Variants in C6orf52 observed in about 807,000 individuals in gnomAD.
The protein encoded by C6orf52 is putative uncharacterized protein C6orf52.
In C6orf52, 16 loss-of-function variants were observed where a neutral mutation model predicts 16.6. The ratio of observed to expected loss-of-function variants is 0.96; its 90% confidence interval spans 0.65 to 1.46. C6orf52 has a LOEUF of 1.46. C6orf52 is among the 40% of genes most tolerant of loss of function. The probability of loss-of-function intolerance (pLI) is 0.00; values close to 1 mark genes in which losing one functional copy is unlikely to be tolerated. For missense variants in C6orf52, 166 were observed against 182.3 expected (o/e 0.91, Z 0.52); for synonymous variants, 53 against 61.4 (o/e 0.86, Z 0.64).
intron 4 of C6orf52, chr6:10,674,657 TAA>T (rs57967252): frequency 6.5e-5 from 9 of 138,992 alleles, no homozygotes; most frequent in African/African-American, 2.9e-4. Flanking sequence ...TTTTTTTTTT[TAA>T]AAGACTAGTC....
chr6:10,684,167 C>T (rs1254737885), intron 3 of C6orf52, among the ~76,000 whole-genome samples: 2 of 152,152 alleles, frequency 1.3e-5, no homozygotes, highest in African/African-American at 2.4e-5. Flanking sequence ...AGACCGCAGG[C>T]ATGGTGGCAT....
intron 1 of C6orf52, among the ~76,000 whole-genome samples, chr6:10,691,654 C>A (rs939398327): frequency 6.6e-6 from 1 of 151,954 alleles, no homozygotes; most frequent in Non-Finnish European, 1.5e-5. Flanking sequence ...GGTGGTCTCC[C>A]TCCCTTAAAA....
intron 4 of C6orf52, 63 bp downstream of exon 4, chr6:10,683,124 G>T: frequency 1.8e-6 from 2 of 1,113,710 alleles, no homozygotes; most frequent in Non-Finnish European, 2.6e-6. Context: ...AGCAAGCTGA[G>T]TGAATGAGAA....
chr6:10,693,444 G>A (rs1458468983), intron 1 of C6orf52, among the ~76,000 whole-genome samples: 2 of 152,170 alleles, frequency 1.3e-5, no homozygotes, highest in East Asian at 1.9e-4. Flanking sequence ...CATCCCAAAT[G>A]AAATCATTTC....
intron 4 of C6orf52, chr6:10,672,701 C>T: frequency 1.6e-6 from 1 of 613,596 alleles, no homozygotes; most frequent in Non-Finnish European, 2.9e-6. Flanking sequence ...TTCTCTCCTA[C>T]AATGCATGCA....
At chr6:10,676,941 G>A (rs1000252202) in intron 4 of C6orf52, among the ~76,000 whole-genome samples, 4 of 152,166 alleles carry the variant, frequency 2.6e-5, no homozygotes, top group African/African-American at 9.7e-5. Context: ...TGCATAGCGT[G>A]CAAATATTTT....
chr6:10,672,002 A>C (rs182274049), intron 4 of C6orf52, among the ~76,000 whole-genome samples: 1 of 152,344 alleles, frequency 6.6e-6, no homozygotes, highest in African/African-American at 2.4e-5. Flanking sequence ...GTAAAAATAC[A>C]CATGCTACTT....
intron 4 of C6orf52, among the ~76,000 whole-genome samples, chr6:10,673,752 T>C (rs1287452165): frequency 1.1e-4 from 17 of 152,122 alleles, no homozygotes. Flanking sequence ...GTTATGCATA[T>C]TTCACCACAA....
upstream of C6orf52, chr6:10,694,860 G>T: frequency 1.5e-6 from 1 of 679,126 alleles, no homozygotes; most frequent in Non-Finnish European, 2.5e-6. Flanking sequence ...CAGCCCTGGA[G>T]CCTGACGTAT....
rs41271799 is a variant in C6orf52 at position 10,694,527 on chromosome 6, C to G, written c.-45G>C. On this transcript the variant is annotated 5_prime_UTR_variant, in exon 1 of 5. Coordinates refer to ENST00000259983, the MANE Select transcript of C6orf52 (RefSeq NM_001145020.3). ...CGACAGAAAGCCTCGTTCCGCTGGT[C>G]CCTGAACAAAAACTCCTACCCTACT... is the stretch of plus-strand genomic sequence containing the variant. 1.1e-3 allele frequency: 166 copies of G among 156,648 alleles called. No homozygotes were observed. Among genetic ancestry groups the G allele is most frequent in the Non-Finnish European group, 2.1e-3 (148 of 69,712 alleles). 9.7% of individuals were successfully genotyped at this position (156,648 alleles called of 1,614,324 possible). A position where few individuals can be genotyped will look rare whatever the true frequency, so the allele number is the denominator to read the frequency against.
At chr6:10,693,281 A>G (rs755976574) in intron 1 of C6orf52, among the ~76,000 whole-genome samples, 2 of 152,214 alleles carry the variant, frequency 1.3e-5, no homozygotes, top group Non-Finnish European at 2.9e-5. Context: ...TGCTCTCACC[A>G]TCGTTCCATC....
chr6:10,693,251 G>A (rs1769514350), intron 1 of C6orf52, among the ~76,000 whole-genome samples: 1 of 152,200 alleles, frequency 6.6e-6, no homozygotes, highest in Non-Finnish European at 1.5e-5. Flanking sequence ...AAATATGTCT[G>A]CTTTTCCTTT....
intron 1 of C6orf52, among the ~76,000 whole-genome samples, chr6:10,688,035 T>G (rs1769003256): frequency 1.4e-5 from 2 of 147,356 alleles, no homozygotes; most frequent in African/African-American, 5.4e-5. Context: ...TGGCTTTTTC[T>G]TTTTTTAATT....
intron 4 of C6orf52, among the ~76,000 whole-genome samples, chr6:10,681,334 TTTC>T (rs1171158659): frequency 6.6e-6 from 1 of 152,162 alleles, no homozygotes; most frequent in Non-Finnish European, 1.5e-5. Context: ...TGATTTTGAG[TTTC>T]TTTTGTTCTT....
intron 3 of C6orf52, chr6:10,684,771 T>A: frequency 4.7e-6 from 4 of 846,668 alleles, no homozygotes; most frequent in Non-Finnish European, 6.8e-6. Flanking sequence ...GACTAGGACA[T>A]CTTGGCAAGG....
At chr6:10,686,371 C>T (rs1466229756) in intron 3 of C6orf52, among the ~76,000 whole-genome samples, 1 of 152,104 alleles carries the variant, frequency 6.6e-6, no homozygotes, top group Non-Finnish European at 1.5e-5. Context: ...GACATAGATC[C>T]ACTCCACAGT....
At chr6:10,675,404 C>A (rs191948638) in intron 4 of C6orf52, among the ~76,000 whole-genome samples, 2 of 152,102 alleles carry the variant, frequency 1.3e-5, no homozygotes, top group African/African-American at 4.8e-5. Context: ...TGTGTATATA[C>A]GCATTTTCTT....
chr6:10,676,240 T>A (rs1315893768), intron 4 of C6orf52, among the ~76,000 whole-genome samples: 4 of 152,220 alleles, frequency 2.6e-5, no homozygotes, highest in Admixed American at 2.6e-4. Flanking sequence ...AAGACCTGAA[T>A]AATCAGGTTA....
At chr6:10,671,700 T>A in intron 4 of C6orf52, 102 bp from the exon 5 acceptor site, 2 of 658,612 alleles carry the variant, frequency 3.0e-6, no homozygotes, top group Non-Finnish European at 4.9e-6. Flanking sequence ...TTGCAGGAAG[T>A]ACTGCAGATA....
Sources: gnomAD v4.1 joint callset for allele counts (sites outside exome capture counted in the v4.1 genomes callset) on GRCh38, gnomAD v4.1.1 for gene constraint, MANE v1.5 for transcripts, NCBI Gene and HGNC (gene_info 2026-07-23, HGNC 2026-07-21) for gene names.